The following NECAB1 variants were observed in gnomAD, a reference collection of about 807,000 sequenced individuals.
NECAB1 encodes the protein N-terminal EF-hand calcium-binding protein 1.
NECAB1 carries 29 observed loss-of-function variants against 57.5 expected under a neutral mutation model. The ratio of observed to expected loss-of-function variants is 0.50; its 90% CI spans 0.38 to 0.69. NECAB1 has a LOEUF of 0.69. Ranked by LOEUF, NECAB1 falls within the 30% of genes least tolerant of loss-of-function variation. The pLI, the probability that NECAB1 is intolerant of heterozygous loss-of-function variation, is 0.00. For missense variants in NECAB1, 372 were observed against 413.8 expected, an observed-to-expected ratio of 0.90 and a Z score of 0.88; for synonymous variants, 142 against 147.7, an observed-to-expected ratio of 0.96 and a Z score of 0.28.
chr8:90,815,116 T>A (rs1812036933), intron 2 of NECAB1, among the ~76,000 whole-genome samples: 1 of 152,088 alleles, frequency 6.6e-6, no homozygotes, highest in Admixed American at 6.6e-5. Flanking sequence ...GCTCCTAGCC[T>A]CAGCCACCTA....
chr8:90,907,247 C>T (rs1210265743), intron 5 of NECAB1, among the ~76,000 whole-genome samples: 1 of 145,978 alleles, frequency 6.9e-6, no homozygotes, highest in African/African-American at 2.5e-5. Flanking sequence ...CTTATTTTTC[C>T]AGATGACCAT....
intron 10 of NECAB1, among the ~76,000 whole-genome samples, chr8:90,948,624 T>C (rs1380894002): frequency 6.6e-6 from 1 of 152,238 alleles, no homozygotes; most frequent in East Asian, 1.9e-4. Context: ...TATGAATATA[T>C]TATGAACCAT....
At chr8:90,832,914 C>G (rs1299671529) in intron 3 of NECAB1, among the ~76,000 whole-genome samples, 1 of 151,990 alleles carries the variant, frequency 6.6e-6, no homozygotes, top group Non-Finnish European at 1.5e-5. Context: ...TCAAAATATT[C>G]CAAGGCAATT....
intron 3 of NECAB1, among the ~76,000 whole-genome samples, chr8:90,828,996 G>A (rs1000535831): frequency 6.6e-6 from 1 of 151,946 alleles, no homozygotes; most frequent in African/African-American, 2.4e-5. Context: ...CATTTTAACT[G>A]TATTATTTCT....
chr8:90,851,589 C>A (rs1035277324), intron 3 of NECAB1, among the ~76,000 whole-genome samples: 2 of 152,116 alleles, frequency 1.3e-5, no homozygotes, highest in Admixed American at 1.3e-4. Flanking sequence ...AAAAAGGGGG[C>A]ATCTTTTATT....
At position 90,910,990 on chromosome 8, in the gene NECAB1, T is replaced by C. The variant is rs1044271391; in HGVS notation, c.358-6502T>C. Among the ~76,000 whole-genome samples, 8 of 152,186 alleles carry C rather than the reference T, an allele frequency of 5.3e-5. No homozygotes were observed. In the South Asian group the frequency reaches 1.4e-3, roughly 28 times the overall value. On this transcript the variant is annotated intron_variant, in intron 5 of 12. Transcript: ENST00000417640. ...AGGTTGATGATGACACCTTGTCATCTAGTTTTGTTGCATTCATTGTCTATT... is the reference window on the plus strand; with the variant it reads ...AGGTTGATGATGACACCTTGTCATCCAGTTTTGTTGCATTCATTGTCTATT...
intron 5 of NECAB1, among the ~76,000 whole-genome samples, chr8:90,892,840 T>C (rs915520260): frequency 6.6e-6 from 1 of 152,194 alleles, no homozygotes; most frequent in African/African-American, 2.4e-5. Context: ...AAACCTTACA[T>C]TGGCTCCTCA....
intron 5 of NECAB1, among the ~76,000 whole-genome samples, chr8:90,906,887 A>ATGTG (rs199604237): frequency 5.5e-4 from 67 of 121,662 alleles, no homozygotes; most frequent in East Asian, 4.7e-3. Context: ...ATATATATAT[A>ATGTG]TATATATATA....
chr8:90,864,190 T>C (rs1405061993), intron 3 of NECAB1, among the ~76,000 whole-genome samples: 1 of 146,004 alleles, frequency 6.8e-6, no homozygotes, highest in African/African-American at 2.5e-5. Flanking sequence ...CCACAGAGAG[T>C]CTGAGAAGCA....
At chr8:90,914,637 G>C (rs1313476910) in intron 5 of NECAB1, among the ~76,000 whole-genome samples, 2 of 152,150 alleles carry the variant, frequency 1.3e-5, no homozygotes, top group African/African-American at 4.8e-5. Flanking sequence ...AGAGTCACTA[G>C]TAAGGTTATC....
intron 6 of NECAB1, among the ~76,000 whole-genome samples, chr8:90,919,111 T>C (rs181612579): frequency 6.6e-6 from 1 of 152,280 alleles, no homozygotes; most frequent in Admixed American, 6.5e-5. Context: ...ATAAAGGCAC[T>C]AATGCTTAAG....
At chr8:90,906,889 A>ATATATATATATATACGTATATATATACG (rs1809677575) in intron 5 of NECAB1, among the ~76,000 whole-genome samples, 1 of 72,856 alleles carries the variant, frequency 1.4e-5, no homozygotes, top group African/African-American at 5.7e-5. Flanking sequence ...ATATATATAT[A>ATATATATATATATACGTATATATATACG]TATATATATA....
intron 10 of NECAB1, among the ~76,000 whole-genome samples, chr8:90,946,784 T>C (rs1029484334): frequency 3.9e-5 from 6 of 152,188 alleles, no homozygotes; most frequent in Non-Finnish European, 8.8e-5. Flanking sequence ...TGCATCTCAC[T>C]GGCCAGAATT....
At chr8:90,851,755 T>G (rs1179161265) in intron 3 of NECAB1, among the ~76,000 whole-genome samples, 1 of 152,154 alleles carries the variant, frequency 6.6e-6, no homozygotes, top group African/African-American at 2.4e-5. Context: ...TTGTCACAAC[T>G]GATGAACTTA....
chr8:90,947,346 ACACAC>A (rs1306814223), intron 10 of NECAB1, among the ~76,000 whole-genome samples: 2 of 149,592 alleles, frequency 1.3e-5, no homozygotes, highest in Admixed American at 6.7e-5. Flanking sequence ...ACACACACAC[ACACAC>A]AATAAGCCAA....
At chr8:90,872,049 C>T (rs1405078936) in intron 3 of NECAB1, 79 bp from the exon 4 acceptor site, 2 of 1,085,112 alleles carry the variant, frequency 1.8e-6, no homozygotes, top group African/African-American at 3.2e-5. Flanking sequence ...TGGAGACTAA[C>T]TGTATTTAAC....
intron 2 of NECAB1, chr8:90,813,089 G>C (rs1170502205): frequency 6.6e-6 from 1 of 152,248 alleles, no homozygotes. Flanking sequence ...TCGGGAGGCT[G>C]AGGCAGGAGA....
chr8:90,923,224 C>T (rs1435405666), intron 6 of NECAB1, among the ~76,000 whole-genome samples: 2 of 152,102 alleles, frequency 1.3e-5, no homozygotes, highest in Non-Finnish European at 2.9e-5. Context: ...CTTGAAGAAC[C>T]CCAGACATAA....
chr8:90,837,598 T>A (rs1395618332), intron 3 of NECAB1, among the ~76,000 whole-genome samples: 1 of 152,224 alleles, frequency 6.6e-6, no homozygotes, highest in African/African-American at 2.4e-5. Flanking sequence ...TTACTGTAAT[T>A]GAAAAATGAT....
Sources: gnomAD v4.1 joint callset for allele counts (sites outside exome capture counted in the v4.1 genomes callset) on GRCh38, gnomAD v4.1.1 for gene constraint, MANE v1.5 for transcripts, NCBI Gene and HGNC (gene_info 2026-07-23, HGNC 2026-07-21) for gene names.